The following RAP1GDS1 variants were observed in gnomAD, a reference collection of about 807,000 sequenced individuals.
The protein encoded by RAP1GDS1 is Rap1 GTPase-GDP dissociation stimulator 1.
In RAP1GDS1, 35 loss-of-function variants were observed where a neutral mutation model predicts 71.1. The observed-to-expected ratio is 0.49, with a 90% CI of 0.38 to 0.65. The LOEUF (loss-of-function observed/expected upper bound fraction) is 0.65. Ranked by LOEUF, RAP1GDS1 falls within the 30% of genes least tolerant of loss-of-function variation. The pLI is 0.00. For synonymous variants in RAP1GDS1, 229 were observed against 243.1 expected, an observed-to-expected ratio of 0.94 and a Z score of 0.54; for missense variants, 663 against 706.1, an observed-to-expected ratio of 0.94 and a Z score of 0.69.
chr4:98,264,292 A>G (rs1722420390), intron 1 of RAP1GDS1, among the ~76,000 whole-genome samples: 1 of 152,098 alleles, frequency 6.6e-6, no homozygotes, highest in African/African-American at 2.4e-5. Context: ...GCTGTTTGGG[A>G]GGCTGAGGCA....
At chr4:98,296,930 T>G in intron 2 of RAP1GDS1, 1 of 370,928 alleles carries the variant, frequency 2.7e-6, no homozygotes. Context: ...TGAAGACCAT[T>G]TTGTGTTGCC....
intron 2 of RAP1GDS1, among the ~76,000 whole-genome samples, chr4:98,318,910 G>A (rs1731342927): frequency 6.6e-6 from 1 of 152,066 alleles, no homozygotes; most frequent in Non-Finnish European, 1.5e-5. Flanking sequence ...ACAGTTGACT[G>A]TGAAAATTTC....
At chr4:98,435,330 T>TGA (rs1750987970) in intron 13 of RAP1GDS1, among the ~76,000 whole-genome samples, 1 of 152,212 alleles carries the variant, frequency 6.6e-6, no homozygotes. Flanking sequence ...TCTCCTTGAA[T>TGA]GGTCTGTTGG....
chr4:98,326,820 T>A (rs1733170104), intron 2 of RAP1GDS1, among the ~76,000 whole-genome samples: 1 of 152,198 alleles, frequency 6.6e-6, no homozygotes, highest in African/African-American at 2.4e-5. Context: ...TTGGTCTCTT[T>A]TTCTTTTTTG....
intron 4 of RAP1GDS1, among the ~76,000 whole-genome samples, chr4:98,356,480 A>C (rs1039286625): frequency 6.6e-6 from 1 of 152,094 alleles, no homozygotes; most frequent in Non-Finnish European, 1.5e-5. Flanking sequence ...TGTTTTGTGG[A>C]TATTACTGCC....
In RAP1GDS1 at chr4:98,442,837, T is replaced by G. The variant is rs1308197675; in HGVS notation, c.*720T>G. ...AGGGGTTGAAGAATCACTATTACAA[T>G]CCCTATTACAGAGCATTTCGGGTTT... On this transcript the variant is annotated 3_prime_UTR_variant, in exon 15 of 15. Transcript: ENST00000408927. 1 of 230,446 alleles carries G rather than the reference T, an allele frequency of 4.3e-6. No homozygotes were observed. Among genetic ancestry groups the G allele is most frequent in the Non-Finnish European group, 8.6e-6 (1 of 116,414 alleles). 14.3% of individuals were successfully genotyped at this position (230,446 alleles called of 1,614,324 possible).
intron 5 of RAP1GDS1, among the ~76,000 whole-genome samples, chr4:98,386,762 A>G (rs1175660555): frequency 1.3e-5 from 2 of 152,196 alleles, no homozygotes; most frequent in South Asian, 2.1e-4. Context: ...TCTCCACTTT[A>G]TAAACATTTG....
intron 5 of RAP1GDS1, among the ~76,000 whole-genome samples, chr4:98,390,025 A>G (rs749830460): frequency 4.6e-5 from 7 of 152,154 alleles, no homozygotes; most frequent in African/African-American, 1.7e-4. Context: ...CTGAAATTTA[A>G]TGATTCATCA....
At chr4:98,295,864 A>G (rs554449617) in intron 2 of RAP1GDS1, among the ~76,000 whole-genome samples, 1 of 152,056 alleles carries the variant, frequency 6.6e-6, no homozygotes, top group Non-Finnish European at 1.5e-5. Flanking sequence ...TACACTTTAT[A>G]AAGTCAGCAT....
chr4:98,419,935 A>T, intron 10 of RAP1GDS1, 84 bp from the exon 11 acceptor site: 1 of 1,239,670 alleles, frequency 8.1e-7, no homozygotes, highest in Non-Finnish European at 1.1e-6. Flanking sequence ...GATCTTAAAG[A>T]TACTTAATAA....
chr4:98,265,586 T>C (rs1722615945), intron 1 of RAP1GDS1, among the ~76,000 whole-genome samples: 1 of 152,096 alleles, frequency 6.6e-6, no homozygotes, highest in Admixed American at 6.5e-5. Flanking sequence ...TCCACAAATA[T>C]CCTGAGGTGA....
chr4:98,333,306 T>C (rs983608731), intron 2 of RAP1GDS1, among the ~76,000 whole-genome samples: 9 of 152,012 alleles, frequency 5.9e-5, no homozygotes, highest in Admixed American at 2.0e-4. Flanking sequence ...AAATTATATA[T>C]ATTAGAATTT....
chr4:98,405,556 A>G (rs2110156739), intron 7 of RAP1GDS1, among the ~76,000 whole-genome samples: 1 of 152,204 alleles, frequency 6.6e-6, no homozygotes, highest in East Asian at 1.9e-4. Context: ...CAGAGGCAAT[A>G]TTTGAAGAAA....
At position 98,442,185 on chromosome 4, in the gene RAP1GDS1, C is replaced by T; in HGVS notation, c.*68C>T. 1 of 1,576,608 alleles carries T rather than the reference C, an allele frequency of 6.3e-7. No individual in the cohort carries two copies. Among genetic ancestry groups the T allele is most frequent in the Non-Finnish European group, 8.6e-7 (1 of 1,164,488 alleles). On this transcript the variant is annotated 3_prime_UTR_variant, in exon 15 of 15. Coordinates refer to ENST00000408927, the MANE Select transcript of RAP1GDS1 (RefSeq NM_001100427.2). Reference sequence around the variant, plus strand: ...TCTGTCCTCCATCCAGCGGCTTCTTCCGCTTCATTCTCTACCATACCACTT... The same window carrying T: ...TCTGTCCTCCATCCAGCGGCTTCTTTCGCTTCATTCTCTACCATACCACTT...
Position 98,272,897 on chromosome 4 carries a change from C to T in RAP1GDS1, c.4+11328C>T, listed in dbSNP as rs116014710. Among the ~76,000 whole-genome samples, 901 of 152,218 alleles carry T rather than the reference C, an allele frequency of 5.9e-3. 8 individuals carry two copies. Among genetic ancestry groups the T allele is most frequent in the African/African-American group, 0.021 (856 of 41,528 alleles). On this transcript the variant is annotated intron_variant, in intron 1 of 14. Transcript: ENST00000408927. ...GAGAGAAGACAACGCTTTAAAACAA[C>T]GATTTTTTTCTGATTTTCGCTGAGC...
intron 4 of RAP1GDS1, among the ~76,000 whole-genome samples, chr4:98,356,005 C>A (rs928737189): frequency 6.6e-6 from 1 of 152,122 alleles, no homozygotes; most frequent in Admixed American, 6.6e-5. Context: ...TTATGTATTT[C>A]TCTTTCGAAG....
intron 2 of RAP1GDS1, among the ~76,000 whole-genome samples, chr4:98,324,683 T>C (rs1236180219): frequency 7.7e-5 from 11 of 143,444 alleles, no homozygotes; most frequent in African/African-American, 1.6e-4. Context: ...GGATTCCCTA[T>C]TTAATAAATG....
intron 11 of RAP1GDS1, 77 bp from the exon 12 acceptor site, chr4:98,421,178 A>T: frequency 5.8e-6 from 8 of 1,373,294 alleles, no homozygotes; most frequent in Non-Finnish European, 7.8e-6. Context: ...CGTCCTTCAC[A>T]CTCTCAAATC....
intron 5 of RAP1GDS1, among the ~76,000 whole-genome samples, chr4:98,380,626 A>T (rs1490229945): frequency 6.6e-6 from 1 of 151,796 alleles, no homozygotes; most frequent in Non-Finnish European, 1.5e-5. Flanking sequence ...AAATCCACAA[A>T]ATAAATACAT....
Sources: allele counts gnomAD v4.1 joint callset (sites outside exome capture counted in the v4.1 genomes callset), GRCh38; gene constraint gnomAD v4.1.1; transcripts MANE v1.5; gene names NCBI Gene and HGNC (gene_info 2026-07-23, HGNC 2026-07-21).